Variants in SGCD observed in about 807,000 individuals in gnomAD.
SGCD encodes the protein sarcoglycan delta.
A neutral mutation model predicts 36.6 loss-of-function variants in SGCD; 18 were observed. The observed-to-expected ratio is 0.49, with a 90% CI of 0.34 to 0.73. SGCD has a LOEUF of 0.73. SGCD is among the 30% of genes least tolerant of loss of function. The probability of loss-of-function intolerance (pLI) is 0.01; values close to 1 mark genes in which losing one functional copy is unlikely to be tolerated. For missense variants in SGCD, 387 were observed against 346.7 expected, an observed-to-expected ratio of 1.12 and a Z score of -0.92; for synonymous variants, 133 against 130.6, an observed-to-expected ratio of 1.02 and a Z score of -0.12.
At position 156,678,258 on chromosome 5, in the gene SGCD, GC is replaced by G. The variant is rs542865298; in HGVS notation, c.575+30725del. ...CTAATATTGTAAGCTGTGAAACAGT[GC>G]CCAGTCTATAATTGTAGTAAAGTTT... On this transcript the variant is annotated intron_variant, in intron 7 of 8. Coordinates refer to ENST00000337851, the MANE Select transcript of SGCD (RefSeq NM_000337.6). Among the ~76,000 whole-genome samples, 192 of 152,322 alleles carry G rather than the reference GC, an allele frequency of 1.3e-3. 2 individuals carry two copies. The highest frequency in any genetic ancestry group is 4.5e-3 in the African/African-American group (188 of 41,568).
rs1767424419 is a variant in SGCD, at chr5:156,312,917, A to G, written c.-43-16617A>G. 2.0e-5 allele frequency among the ~76,000 whole-genome samples: 3 copies of G among 152,106 alleles called. No individual in the cohort carries two copies. The South Asian group carries it at 6.2e-4, about 32-fold the overall frequency. ...TCTTACAGACACTGGATAGATGACTATTCGTTTATTTTTTAACTAACTTTG... is the reference window on the plus strand; with the variant it reads ...TCTTACAGACACTGGATAGATGACTGTTCGTTTATTTTTTAACTAACTTTG... On this transcript the variant is annotated intron_variant, in intron 3 of 9. Transcript: ENST00000517913.
chr5:156,598,633 C>A (rs1761038105), intron 6 of SGCD, among the ~76,000 whole-genome samples: 2 of 152,236 alleles, frequency 1.3e-5, no homozygotes. Context: ...ACACCCAGAT[C>A]ATTCTATGCA....
At chr5:156,577,313 T>G (rs763953880) in intron 4 of SGCD, among the ~76,000 whole-genome samples, 4 of 152,242 alleles carry the variant, frequency 2.6e-5, no homozygotes, top group Non-Finnish European at 5.9e-5. Context: ...CTATTTTGGT[T>G]GCTGTAGCCT....
At chr5:156,536,788 C>T (rs1758133289) in intron 4 of SGCD, among the ~76,000 whole-genome samples, 1 of 152,132 alleles carries the variant, frequency 6.6e-6, no homozygotes, top group South Asian at 2.1e-4. Flanking sequence ...TCATCTAAAA[C>T]ACTTACCAAT....
At chr5:155,763,329 G>A in the SGCD span, among the ~76,000 whole-genome samples, 1 of 151,960 alleles carries the variant, frequency 6.6e-6, no homozygotes, top group Non-Finnish European at 1.5e-5. Flanking sequence ...GAGGGCAGAG[G>A]GAGTACCAAT....
rs1161530606 is a variant in SGCD at position 156,344,482 on chromosome 5, A to G, written c.4-7A>G. Reference sequence around the variant, plus strand: ...TGAGTGCTTCTCTCTTGCCTCGTTTATTTCAGATGCCTCAGGAGCAGTACA... The same window carrying G: ...TGAGTGCTTCTCTCTTGCCTCGTTTGTTTCAGATGCCTCAGGAGCAGTACA... On this transcript the variant is annotated splice_polypyrimidine_tract_variant and splice_region_variant and intron_variant, in intron 2 of 8. Transcript: ENST00000337851. 1 of 1,542,148 alleles carries G rather than the reference A, an allele frequency of 6.5e-7. No homozygotes were observed. Among genetic ancestry groups the G allele is most frequent in the Admixed American group, 2.3e-5 (1 of 44,334 alleles).
the SGCD span, among the ~76,000 whole-genome samples, chr5:155,762,503 G>T: frequency 6.6e-6 from 1 of 152,094 alleles, no homozygotes; most frequent in African/African-American, 2.4e-5. Flanking sequence ...CATAGTAATA[G>T]CAATAGCTGT....
intron 1 of SGCD, among the ~76,000 whole-genome samples, chr5:155,940,375 C>G (rs543976574): frequency 1.3e-5 from 2 of 152,250 alleles, no homozygotes; most frequent in Admixed American, 1.3e-4. Flanking sequence ...TAACAGATTT[C>G]CTGGATTCAA....
intron 3 of SGCD, among the ~76,000 whole-genome samples, chr5:156,408,770 A>G (rs1047656033): frequency 6.6e-6 from 1 of 151,936 alleles, no homozygotes; most frequent in Non-Finnish European, 1.5e-5. Context: ...TCCCGAGGAT[A>G]TTTTGCCTTC....
At chr5:156,169,949 G>A (rs941056745) in intron 3 of SGCD, among the ~76,000 whole-genome samples, 1 of 152,140 alleles carries the variant, frequency 6.6e-6, no homozygotes, top group Non-Finnish European at 1.5e-5. Context: ...GGAGAGCCAT[G>A]GAAGTCTCTG....
chr5:156,680,649 C>T (rs1753684098), intron 7 of SGCD, among the ~76,000 whole-genome samples: 1 of 152,120 alleles, frequency 6.6e-6, no homozygotes, highest in Non-Finnish European at 1.5e-5. Flanking sequence ...TCAGTGAACA[C>T]ATCACCTAAT....
intron 1 of SGCD, among the ~76,000 whole-genome samples, chr5:155,904,611 A>G (rs1756459170): frequency 6.6e-6 from 1 of 152,168 alleles, no homozygotes. Flanking sequence ...TTTCTAGACA[A>G]TTCTTTTCGT....
chr5:156,480,191 A>G (rs1755363130), intron 3 of SGCD, among the ~76,000 whole-genome samples: 1 of 152,086 alleles, frequency 6.6e-6, no homozygotes, highest in Non-Finnish European at 1.5e-5. Context: ...GTTCAACTCT[A>G]CCTAACAGCT....
At chr5:155,911,319 G>GTGTGTT (rs145927722) in intron 1 of SGCD, among the ~76,000 whole-genome samples, 1 of 141,380 alleles carries the variant, frequency 7.1e-6, no homozygotes, top group African/African-American at 2.6e-5. Flanking sequence ...GTGTGTGTGT[G>GTGTGTT]TATATATATA....
chr5:155,764,854 C>G, the SGCD span, among the ~76,000 whole-genome samples: 4 of 152,144 alleles, frequency 2.6e-5, no homozygotes, highest in Non-Finnish European at 5.9e-5. Context: ...GGAAATCATT[C>G]TGGGCAGCAA....
At chr5:156,615,204 A>G (rs1761975370) in intron 6 of SGCD, among the ~76,000 whole-genome samples, 2 of 152,228 alleles carry the variant, frequency 1.3e-5, no homozygotes, top group South Asian at 4.1e-4. Context: ...AACACCAGGG[A>G]AAACATGACT....
At chr5:156,334,609 CTTTTTTT>C (rs35767339) in intron 2 of SGCD, among the ~76,000 whole-genome samples, 11 of 105,066 alleles carry the variant, frequency 1.0e-4, no homozygotes, top group Non-Finnish European at 2.0e-4. Context: ...GGTCTATTTT[CTTTTTTT>C]TTTTTTTTTT....
intron 4 of SGCD, among the ~76,000 whole-genome samples, chr5:156,546,210 C>T (rs890295016): frequency 6.6e-6 from 1 of 152,166 alleles, no homozygotes; most frequent in African/African-American, 2.4e-5. Flanking sequence ...GTTAATATCC[C>T]ATGAGACACT....
At chr5:155,913,584 C>G (rs1273255214) in intron 1 of SGCD, among the ~76,000 whole-genome samples, 1 of 152,020 alleles carries the variant, frequency 6.6e-6, no homozygotes, top group East Asian at 1.9e-4. Context: ...CATATATTAT[C>G]CCTTCTTGTT....
Sources: allele counts gnomAD v4.1 joint callset (sites outside exome capture counted in the v4.1 genomes callset), GRCh38; gene constraint gnomAD v4.1.1; transcripts MANE v1.5; gene names NCBI Gene and HGNC (gene_info 2026-07-23, HGNC 2026-07-21).